MINDY4B: variants seen among roughly 807,000 people sequenced by gnomAD.
The protein encoded by MINDY4B is inactive ubiquitin carboxyl-terminal hydrolase MINDY-4B.
MINDY4B carries 25 observed loss-of-function variants against 16.7 expected under a neutral mutation model. The observed-to-expected ratio is 1.49, with a 90% CI of 1.09 to 2.09. MINDY4B has a LOEUF of 2.09. Ranked by LOEUF, MINDY4B falls within the 30% of genes most tolerant of loss-of-function variation. The probability of loss-of-function intolerance (pLI) is 0.00; values close to 1 mark genes in which losing one functional copy is unlikely to be tolerated. For missense variants in MINDY4B, 327 were observed against 168.4 expected (o/e 1.94, Z -5.21); for synonymous variants, 132 against 61.9 (o/e 2.13, Z -5.32).
chr3:150,902,923 A>G (rs1233526829), intron 3 of MINDY4B, among the ~76,000 whole-genome samples: 3 of 152,144 alleles, frequency 2.0e-5, no homozygotes, highest in Admixed American at 6.5e-5. Flanking sequence ...GCAGCGCTCC[A>G]CAGTCTGCCA....
At chr3:150,888,518 G>A (rs907031926) in intron 7 of MINDY4B, among the ~76,000 whole-genome samples, 6 of 152,182 alleles carry the variant, frequency 3.9e-5, no homozygotes, top group Admixed American at 6.5e-5. Context: ...CAAATGGAAT[G>A]AGACACAGGA....
At chr3:150,891,871 C>T (rs1378510437) in intron 5 of MINDY4B, among the ~76,000 whole-genome samples, 1 of 151,752 alleles carries the variant, frequency 6.6e-6, no homozygotes. Context: ...AATAGAGACA[C>T]CTTGTGACTG....
rs934867068 is a variant in MINDY4B, at chr3:150,885,487, C to G, written c.754-49G>C. ...CATGTTGGTCTAAAAGCAACACAGACACGTGTATCTGTGGGTATGAATTCA... is the reference window on the plus strand; with the variant it reads ...CATGTTGGTCTAAAAGCAACACAGAGACGTGTATCTGTGGGTATGAATTCA... On this transcript the variant is annotated intron_variant, in intron 7 of 11. Coordinates refer to ENST00000465419, the MANE Select transcript of MINDY4B (RefSeq NM_001351281.2). The G allele has an allele frequency of 1.1e-5, 8 of 697,464 alleles. No homozygotes were observed. In the African/African-American group the frequency reaches 1.4e-4, roughly 12 times the overall value. 43.2% of individuals were successfully genotyped at this position (697,464 alleles called of 1,614,324 possible). A position where few individuals can be genotyped will look rare whatever the true frequency, so the allele number is the denominator to read the frequency against.
chr3:150,889,365 A>T (rs529084430), intron 7 of MINDY4B, among the ~76,000 whole-genome samples: 110 of 152,212 alleles, frequency 7.2e-4, no homozygotes, highest in Non-Finnish European at 1.4e-3. Flanking sequence ...CCGCAAGGGC[A>T]GGGGGCACTC....
chr3:150,886,189 G>T (rs1711618208), intron 7 of MINDY4B, among the ~76,000 whole-genome samples: 1 of 152,192 alleles, frequency 6.6e-6, no homozygotes, highest in Admixed American at 6.5e-5. Flanking sequence ...TCATCAGTTG[G>T]CTTTATTTAG....
intron 10 of MINDY4B, among the ~76,000 whole-genome samples, chr3:150,882,403 T>A (rs747198299): frequency 1.3e-5 from 2 of 151,902 alleles, no homozygotes; most frequent in Non-Finnish European, 2.9e-5. Flanking sequence ...TTTTTTCCAG[T>A]GGTTTTTTTT....
At chr3:150,871,879 C>A (rs1186260802) in intron 11 of MINDY4B, among the ~76,000 whole-genome samples, 1 of 152,174 alleles carries the variant, frequency 6.6e-6, no homozygotes, top group Non-Finnish European at 1.5e-5. Flanking sequence ...CTTCTCCATG[C>A]TTCTCAGAAT....
At chr3:150,872,075 A>G (rs574577030) in intron 11 of MINDY4B, among the ~76,000 whole-genome samples, 2 of 152,364 alleles carry the variant, frequency 1.3e-5, no homozygotes, top group African/African-American at 4.8e-5. Context: ...TCATAAAAAC[A>G]GAAATCCTAG....
At chr3:150,885,808 T>TC (rs1711607571) in intron 7 of MINDY4B, among the ~76,000 whole-genome samples, 1 of 152,156 alleles carries the variant, frequency 6.6e-6, no homozygotes, top group Non-Finnish European at 1.5e-5. Flanking sequence ...ATGTCCTTCC[T>TC]CATTGCCCCG....
At chr3:150,875,453 T>C (rs1711496098) in intron 10 of MINDY4B, among the ~76,000 whole-genome samples, 1 of 152,110 alleles carries the variant, frequency 6.6e-6, no homozygotes, top group African/African-American at 2.4e-5. Context: ...CCCTGTAAAT[T>C]AGTCTGGGTA....
At chr3:150,873,098 C>T in intron 11 of MINDY4B, 89 bp downstream of exon 11, 1 of 607,246 alleles carries the variant, frequency 1.6e-6, no homozygotes, top group Non-Finnish European at 3.0e-6. Flanking sequence ...GTGGAGCTAG[C>T]ATGAATATCC....
intron 7 of MINDY4B, among the ~76,000 whole-genome samples, chr3:150,886,376 G>A (rs980248720): frequency 4.6e-5 from 7 of 152,202 alleles, no homozygotes; most frequent in Non-Finnish European, 8.8e-5. Flanking sequence ...ACAGGGGCCA[G>A]GGCCCTCAGG....
chr3:150,896,075 T>G (rs1450575866), intron 3 of MINDY4B, among the ~76,000 whole-genome samples: 1 of 152,134 alleles, frequency 6.6e-6, no homozygotes, highest in African/African-American at 2.4e-5. Flanking sequence ...TTCGGATTCT[T>G]TTTTCTTTGT....
In MINDY4B at chr3:150,893,696, TGGG is replaced by T. The variant is rs761403270; in HGVS notation, c.430-284_430-282del. The stretch of plus-strand genomic sequence containing the variant: ...TCCCTGCTTCATAGTAGTTTTTTTT[TGGG>T]GGGGGGGGTGGGGTGCAGTCTTGCT... On this transcript the variant is annotated intron_variant, in intron 4 of 11. Coordinates refer to ENST00000465419, the MANE Select transcript of MINDY4B (RefSeq NM_001351281.2). 6.9e-4 allele frequency among the ~76,000 whole-genome samples: 37 copies of T among 53,628 alleles called. 2 individuals are homozygous for T. Among genetic ancestry groups the T allele is most frequent in the South Asian group, 1.6e-3 (1 of 632 alleles). The allele number at this position is 53,628 out of a possible 152,430, so 35.2% of individuals were successfully genotyped here.
At chr3:150,894,657 T>C (rs1381874599) in intron 3 of MINDY4B, among the ~76,000 whole-genome samples, 1 of 152,228 alleles carries the variant, frequency 6.6e-6, no homozygotes, top group Non-Finnish European at 1.5e-5. Context: ...GGATCTCATG[T>C]TTCCAGCCTG....
intron 3 of MINDY4B, among the ~76,000 whole-genome samples, chr3:150,899,771 C>T (rs1313211195): frequency 6.6e-6 from 1 of 152,180 alleles, no homozygotes; most frequent in Non-Finnish European, 1.5e-5. Flanking sequence ...CTGAGGTGCG[C>T]TAGAGGATTA....
chr3:150,905,382 T>A lies in MINDY4B; in HGVS notation c.58A>T (p.Ile20Phe). ...TCAAGGAATGAAATTTTCCTTGAGATCTCCTCTAAATCCAGCTGTTCGGAG... is the reference window on the plus strand; with the variant it reads ...TCAAGGAATGAAATTTTCCTTGAGAACTCCTCTAAATCCAGCTGTTCGGAG... ...QSSEQLDLEE[I>F]SRKISFLDKW... Residue 20 changes from isoleucine to phenylalanine, a missense_variant, in exon 1 of 12, where the codon ATC becomes TTC. By Grantham distance (21) the Ile-to-Phe change is conservative. Transcript: ENST00000465419. The A allele has an allele frequency of 2.5e-6, 1 of 398,508 alleles. No homozygotes were observed. The highest frequency in any genetic ancestry group is 4.4e-5 in the Admixed American group (1 of 22,724). The allele number at this position is 398,508 out of a possible 1,614,324, so 24.7% of individuals were successfully genotyped here. A position where few individuals can be genotyped will look rare whatever the true frequency, so the allele number is the denominator to read the frequency against.
chr3:150,876,312 T>G (rs1223036168), intron 10 of MINDY4B, among the ~76,000 whole-genome samples: 3 of 152,010 alleles, frequency 2.0e-5, no homozygotes, highest in Non-Finnish European at 4.4e-5. Flanking sequence ...ATGTAATTCT[T>G]TTTTTTTATG....
At chr3:150,887,010 A>T (rs1711638700) in intron 7 of MINDY4B, among the ~76,000 whole-genome samples, 1 of 152,374 alleles carries the variant, frequency 6.6e-6, no homozygotes, top group Admixed American at 6.5e-5. Flanking sequence ...TCCTATATAT[A>T]CATACCTATG....
Sources: allele counts gnomAD v4.1 joint callset (sites outside exome capture counted in the v4.1 genomes callset), GRCh38; gene constraint gnomAD v4.1.1; transcripts MANE v1.5; gene names NCBI Gene and HGNC (gene_info 2026-07-23, HGNC 2026-07-21).